The following TLE1 variants were observed in gnomAD, a reference collection of about 807,000 sequenced individuals.
TLE1 encodes transducin-like enhancer protein 1.
A neutral mutation model predicts 89.8 loss-of-function variants in TLE1; 21 were observed. The ratio of observed to expected loss-of-function variants is 0.23; its 90% CI spans 0.17 to 0.34. TLE1 has a LOEUF of 0.34. TLE1 is among the 10% of genes least tolerant of loss of function. TLE1 has a pLI of 1.00. For synonymous variants in TLE1, 447 were observed against 407.6 expected, an observed-to-expected ratio of 1.10 and a Z score of -1.16; for missense variants, 795 against 1,031.2, an observed-to-expected ratio of 0.77 and a Z score of 3.14.
At chr9:81,611,358 T>C (rs79360952) in intron 13 of TLE1, among the ~76,000 whole-genome samples, 8,433 of 152,152 alleles carry the variant, frequency 0.055, 313 homozygotes, top group Non-Finnish European at 0.082. Context: ...TCTCAGACAT[T>C]TTTTCCTAAG....
chr9:81,610,364 G>T, intron 13 of TLE1, 68 bp from the exon 14 acceptor site: 1 of 1,171,752 alleles, frequency 8.5e-7, no homozygotes, highest in Non-Finnish European at 1.3e-6. Context: ...CATCAATACT[G>T]TTCATTAGAA....
At chr9:81,603,754 C>A (rs1422046293) in intron 14 of TLE1, among the ~76,000 whole-genome samples, 1 of 152,206 alleles carries the variant, frequency 6.6e-6, no homozygotes, top group Non-Finnish European at 1.5e-5. Context: ...GTAATCCCAG[C>A]ACTTTGGGAG....
chr9:81,647,008 A>C (rs989975237), intron 6 of TLE1, among the ~76,000 whole-genome samples: 1 of 152,126 alleles, frequency 6.6e-6, no homozygotes, highest in African/African-American at 2.4e-5. Flanking sequence ...AAGAAAAATG[A>C]GGTTGCCTAA....
intron 14 of TLE1, among the ~76,000 whole-genome samples, chr9:81,608,171 G>A (rs115938488): frequency 0.025 from 3,828 of 152,170 alleles, 164 homozygotes; most frequent in African/African-American, 0.088. Flanking sequence ...CACTTTGGGA[G>A]GCCAAGGCAG....
At chr9:81,678,832 T>C (rs1833232905) in intron 4 of TLE1, among the ~76,000 whole-genome samples, 1 of 147,962 alleles carries the variant, frequency 6.8e-6, no homozygotes, top group Non-Finnish European at 1.5e-5. Context: ...AGAGCAAGAC[T>C]CCATCTCAAA....
chr9:81,644,994 C>G (rs1381981831), intron 6 of TLE1, among the ~76,000 whole-genome samples: 1 of 93,424 alleles, frequency 1.1e-5, no homozygotes, highest in East Asian at 3.3e-4. Context: ...GAGTGAGACA[C>G]TGTCTCAAAA....
chr9:81,601,890 G>A (rs815844), intron 14 of TLE1, among the ~76,000 whole-genome samples: 19,317 of 152,148 alleles, frequency 0.13, 1,707 homozygotes, highest in Middle Eastern at 0.21. Context: ...TCAAGGCAAC[G>A]AACATTTGTT....
chr9:81,636,418 T>C (rs1827366572), intron 6 of TLE1, among the ~76,000 whole-genome samples: 1 of 114,898 alleles, frequency 8.7e-6, no homozygotes, highest in Non-Finnish European at 1.7e-5. Context: ...TATCATTACT[T>C]GGAGAGTAAG....
In TLE1 at chr9:81,634,247, G is replaced by A. The variant is rs1287087370; in HGVS notation, c.427C>T (p.Leu143Phe). Residue 143 changes from leucine to phenylalanine, a missense_variant, in exon 7 of 20, where the codon CTT becomes TTT. Physicochemically the swap from Leu to Phe is conservative, Grantham distance 22. Transcript: ENST00000376499. ...TGAAGTCCCGAAGGGTGAGGCGTAA[G>A]GGGAACTGGGGGTCCGTGGCCATGA... ...LSHGHGPPVP[L>F]TPHPSGLQPP... 11 of 1,573,348 alleles carry A rather than the reference G, an allele frequency of 7.0e-6. No individual in the cohort carries two copies. Among genetic ancestry groups the A allele is most frequent in the Non-Finnish European group, 9.5e-6 (11 of 1,155,836 alleles).
intron 4 of TLE1, among the ~76,000 whole-genome samples, chr9:81,666,024 T>C (rs1167015519): frequency 6.6e-6 from 1 of 152,162 alleles, no homozygotes; most frequent in Non-Finnish European, 1.5e-5. Context: ...ATTTGTCATT[T>C]TGGTAAAGAT....
rs1184482250 is a variant in TLE1 at position 81,656,159 on chromosome 9, T to C, written c.235-2123A>G. 2.0e-5 allele frequency among the ~76,000 whole-genome samples: 3 copies of C among 152,128 alleles called. No homozygotes were observed. The East Asian group carries it at 5.8e-4, about 29-fold the overall frequency. The stretch of plus-strand genomic sequence containing the variant: ...GATATATGCAAAAAGGGTGCAGCTG[T>C]ACCAGGTACAAAAACAGAACTGGGT... On this transcript the variant is annotated intron_variant, in intron 4 of 19. Coordinates refer to ENST00000376499, the MANE Select transcript of TLE1 (RefSeq NM_005077.5).
chr9:81,653,867 G>T, intron 5 of TLE1, 107 bp downstream of exon 5: 1 of 1,008,492 alleles, frequency 9.9e-7, no homozygotes, highest in Non-Finnish European at 1.5e-6. Context: ...TGTAACAGAT[G>T]TTCTTCACAC....
intron 4 of TLE1, among the ~76,000 whole-genome samples, chr9:81,656,392 A>C (rs1830150277): frequency 6.6e-6 from 1 of 151,946 alleles, no homozygotes; most frequent in African/African-American, 2.4e-5. Flanking sequence ...TTCCTGCAAC[A>C]CTCTGTACAT....
At chr9:81,667,385 C>CAAAAAAAAAAAAAAAAAAAAAAAAAAAAA (rs397893862) in intron 4 of TLE1, among the ~76,000 whole-genome samples, 1 of 89,870 alleles carries the variant, frequency 1.1e-5, no homozygotes. Context: ...CAGACTGTCT[C>CAAAAAAAAAAAAAAAAAAAAAAAAAAAAA]AAAAAAAAAA....
chr9:81,667,687 G>C (rs989497722), intron 4 of TLE1, among the ~76,000 whole-genome samples: 2 of 151,130 alleles, frequency 1.3e-5, no homozygotes, highest in African/African-American at 2.4e-5. Flanking sequence ...CTTCAGCGGG[G>C]AAGTCCCAGC....
At chr9:81,609,481 T>C (rs1823430127) in intron 14 of TLE1, among the ~76,000 whole-genome samples, 2 of 152,230 alleles carry the variant, frequency 1.3e-5, no homozygotes, top group South Asian at 4.1e-4. Context: ...TTGAGAACTT[T>C]AGCAATTCTT....
At chr9:81,597,267 C>T (rs536568407) in intron 14 of TLE1, among the ~76,000 whole-genome samples, 12 of 151,254 alleles carry the variant, frequency 7.9e-5, no homozygotes, top group African/African-American at 2.9e-4. Context: ...ATTGTTATCG[C>T]ACCACCACGA....
At chr9:81,651,514 TAAC>T (rs1829528900) in intron 6 of TLE1, among the ~76,000 whole-genome samples, 1 of 152,086 alleles carries the variant, frequency 6.6e-6, no homozygotes, top group Non-Finnish European at 1.5e-5. Flanking sequence ...GGCAGACAAT[TAAC>T]AATTCTTCCA....
intron 11 of TLE1, among the ~76,000 whole-genome samples, chr9:81,614,617 C>A (rs118014419): frequency 6.6e-6 from 1 of 152,058 alleles, no homozygotes. Flanking sequence ...CCCTCCCAAC[C>A]GGTAAAATGG....
Sources: gnomAD v4.1 joint callset for allele counts (sites outside exome capture counted in the v4.1 genomes callset) on GRCh38, gnomAD v4.1.1 for gene constraint, MANE v1.5 for transcripts, NCBI Gene and HGNC (gene_info 2026-07-23, HGNC 2026-07-21) for gene names.